The following CFAP70 variants were observed in gnomAD, a reference collection of about 807,000 sequenced individuals.
CFAP70 encodes cilia- and flagella-associated protein 70.
In CFAP70, 81 loss-of-function variants were observed where a neutral mutation model predicts 137.6. The ratio of observed to expected loss-of-function variants is 0.59; its 90% confidence interval spans 0.49 to 0.71. CFAP70 has a LOEUF of 0.71. Ranked by LOEUF, CFAP70 falls within the 30% of genes least tolerant of loss-of-function variation. The pLI, the probability that CFAP70 is intolerant of heterozygous loss-of-function variation, is 0.00. For synonymous variants in CFAP70, 382 were observed against 423.6 expected (o/e 0.90, Z 1.20); for missense variants, 976 against 1,226.7 (o/e 0.80, Z 3.05).
chr10:73,349,926 G>A (rs1328399121), intron 3 of CFAP70, among the ~76,000 whole-genome samples: 1 of 152,260 alleles, frequency 6.6e-6, no homozygotes, highest in Non-Finnish European at 1.5e-5. Flanking sequence ...TCCCAAGTAA[G>A]ACATTTTCCT....
exon 10 of CFAP70, chr10:73,312,508 T>C: frequency 1.2e-6 from 2 of 1,612,042 alleles, no homozygotes; most frequent in East Asian, 2.2e-5. Context: ...TCTATATCCT[T>C]TTCTTTCACT....
intron 19 of CFAP70, among the ~76,000 whole-genome samples, chr10:73,290,098 T>C (rs1229420223): frequency 1.3e-5 from 2 of 151,480 alleles, no homozygotes; most frequent in Non-Finnish European, 2.9e-5. Context: ...TTTATTTTAA[T>C]AGTTCCAAAC....
chr10:73,261,108 T>C (rs1426935979), intron 25 of CFAP70, among the ~76,000 whole-genome samples: 1 of 151,894 alleles, frequency 6.6e-6, no homozygotes, highest in East Asian at 1.9e-4. Context: ...TCTTTGTTAA[T>C]ACTTGGCATT....
chr10:73,286,737 T>A (rs2047747573), intron 19 of CFAP70, among the ~76,000 whole-genome samples: 1 of 152,174 alleles, frequency 6.6e-6, no homozygotes, highest in African/African-American at 2.4e-5. Flanking sequence ...AAATTGGGGC[T>A]GACAGCCTTC....
At chr10:73,311,262 C>CTG (rs58744712) in intron 11 of CFAP70, among the ~76,000 whole-genome samples, 14,724 of 152,176 alleles carry the variant, frequency 0.097, 999 homozygotes, top group East Asian at 0.3. Context: ...TGCAAATTCT[C>CTG]TGTTATTCTC....
chr10:73,326,097 T>C (rs140922435), intron 8 of CFAP70, among the ~76,000 whole-genome samples: 22,990 of 151,344 alleles, frequency 0.15, 2,876 homozygotes, highest in African/African-American at 0.32. Context: ...GTAAAGCTCT[T>C]CTCAGCAAAT....
At chr10:73,320,046 CT>C (rs1201742322) in intron 9 of CFAP70, among the ~76,000 whole-genome samples, 1 of 152,150 alleles carries the variant, frequency 6.6e-6, no homozygotes, top group Non-Finnish European at 1.5e-5. Flanking sequence ...TAGTAGCTAT[CT>C]TTCTGATATG....
At chr10:73,317,892 G>A (rs2050530453) in intron 9 of CFAP70, among the ~76,000 whole-genome samples, 1 of 151,262 alleles carries the variant, frequency 6.6e-6, no homozygotes, top group African/African-American at 2.4e-5. Context: ...CTCATAAATG[G>A]CTTGGTGCTA....
intron 18 of CFAP70, 84 bp downstream of exon 19, chr10:73,291,556 G>C (rs970960367): frequency 5.9e-5 from 88 of 1,479,028 alleles, no homozygotes; most frequent in Admixed American, 2.1e-4. Flanking sequence ...AGAACTACAT[G>C]ATGAGCCATT....
intron 9 of CFAP70, among the ~76,000 whole-genome samples, chr10:73,315,340 CA>C (rs1457231307): frequency 7.9e-5 from 12 of 152,012 alleles, no homozygotes; most frequent in African/African-American, 2.9e-4. Flanking sequence ...CTTTTCACTG[CA>C]AAATAGTATT....
intron 9 of CFAP70, among the ~76,000 whole-genome samples, chr10:73,318,278 T>G (rs924678892): frequency 1.3e-5 from 2 of 152,244 alleles, no homozygotes; most frequent in African/African-American, 2.4e-5. Flanking sequence ...TGGTTGCTTT[T>G]GTGGGGAGAT....
At chr10:73,288,424 T>C (rs964756622) in intron 19 of CFAP70, among the ~76,000 whole-genome samples, 2 of 152,126 alleles carry the variant, frequency 1.3e-5, no homozygotes, top group African/African-American at 2.4e-5. Flanking sequence ...GTCTTACCTG[T>C]CTAATATATC....
intron 12 of CFAP70, among the ~76,000 whole-genome samples, chr10:73,302,985 T>A (rs1241967897): frequency 6.8e-6 from 1 of 146,844 alleles, no homozygotes; most frequent in East Asian, 2.2e-4. Context: ...GCTCAAGCAA[T>A]CCTCCTGCCT....
chr10:73,325,016 C>G (rs2051260038), intron 8 of CFAP70, among the ~76,000 whole-genome samples: 1 of 152,054 alleles, frequency 6.6e-6, no homozygotes, highest in Non-Finnish European at 1.5e-5. Flanking sequence ...AGAAGAGCAG[C>G]TCCAAGACAC....
chr10:73,347,666 G>C (rs1448600818), intron 4 of CFAP70, among the ~76,000 whole-genome samples: 1 of 152,156 alleles, frequency 6.6e-6, no homozygotes, highest in African/African-American at 2.4e-5. Flanking sequence ...AGTTTTAGGT[G>C]CCTATGGGAT....
At chr10:73,359,837 G>A (rs2054936613), upstream of CFAP70, among the ~76,000 whole-genome samples, 1 of 151,998 alleles carries the variant, frequency 6.6e-6, no homozygotes, top group Non-Finnish European at 1.5e-5. Context: ...AGGTGATCAT[G>A]GTTAACATCA....
At chr10:73,291,475 G>GACTATTTTCCCACT (rs747986574) in intron 18 of CFAP70, 31 bp from the exon 20 acceptor site, 8 of 1,593,116 alleles carry the variant, frequency 5.0e-6, no homozygotes, top group Non-Finnish European at 6.9e-6. Flanking sequence ...AAATACATAT[G>GACTATTTTCCCACT]ACTATTTTCC....
chr10:73,360,136 T>G (rs563515551), upstream of CFAP70, among the ~76,000 whole-genome samples: 1 of 152,268 alleles, frequency 6.6e-6, no homozygotes, highest in South Asian at 2.1e-4. Context: ...ACCCCGAACA[T>G]GCCCAATCTC....
At chr10:73,353,629 G>A in exon 3 of CFAP70, 2 of 1,614,162 alleles carry the variant, frequency 1.2e-6, no homozygotes, top group South Asian at 1.1e-5. Context: ...TGCTAGTGAA[G>A]TTGTATTTTG....
Sources: gnomAD v4.1 joint callset for allele counts (sites outside exome capture counted in the v4.1 genomes callset) on GRCh38, gnomAD v4.1.1 for gene constraint, MANE v1.5 for transcripts, NCBI Gene and HGNC (gene_info 2026-07-23, HGNC 2026-07-21) for gene names.